Variants in CEP164 observed in about 807,000 individuals in gnomAD.
CEP164 encodes centrosomal protein of 164 kDa.
Under a neutral mutation model 182.7 loss-of-function variants are expected in CEP164, and 162 were observed. The observed-to-expected ratio is 0.89, with a 90% confidence interval of 0.78 to 1.01. CEP164 has a LOEUF of 1.01. Ranked by LOEUF, CEP164 falls within the 50% of genes least tolerant of loss-of-function variation. CEP164 has a pLI of 0.00. For missense variants in CEP164, 1,735 were observed against 1,790.4 expected, an observed-to-expected ratio of 0.97 and a Z score of 0.56; for synonymous variants, 661 against 690.0, an observed-to-expected ratio of 0.96 and a Z score of 0.66.
At chr11:117,381,663 G>T in intron 12 of CEP164, 38 bp from the exon 13 acceptor site, 1 of 1,583,826 alleles carries the variant, frequency 6.3e-7, no homozygotes, top group Non-Finnish European at 8.6e-7. Context: ...TCTCCAAATG[G>T]AGGGGCCTGA....
rs868672622 is a variant in CEP164 at position 117,409,560 on chromosome 11, G to A, written c.3749-58G>A. The stretch of plus-strand genomic sequence containing the variant: ...GGTCCTCCATGACAGCTGTGTCTGG[G>A]AATGGTCCAGGGTCCTGAGCTTGAG... On this transcript the variant is annotated intron_variant, in intron 29 of 32. Transcript: ENST00000278935. This position sits in a 1 kb window ranked among gnomAD's most constrained non-coding sequence, Gnocchi z 4.4. 9.0e-5 allele frequency: 133 copies of A among 1,478,966 alleles called. 2 individuals carry two copies. The Middle Eastern group carries it at 3.9e-3, about 44-fold the overall frequency. The allele number at this position is 1,478,966 out of a possible 1,614,324, so 91.6% of individuals were successfully genotyped here.
rs548762008 is a variant in CEP164 at position 117,381,627 on chromosome 11, A to T, written c.1410-74A>T. 1.4e-5 allele frequency: 21 copies of T among 1,501,232 alleles called. No individual in the cohort carries two copies. The East Asian group carries it at 4.7e-4, about 34-fold the overall frequency. 93.0% of individuals were successfully genotyped at this position (1,501,232 alleles called of 1,614,324 possible). On this transcript the variant is annotated intron_variant, in intron 12 of 32. Coordinates refer to ENST00000278935, the MANE Select transcript of CEP164 (RefSeq NM_014956.5). ...AGGAGGCAATGACCTAGGTCCACAC[A>T]CTGTACTCCCCAGTTCTCTTCCCGC...
At chr11:117,336,592 A>G in intron 2 of CEP164, 1 of 1,467,524 alleles carries the variant, frequency 6.8e-7, no homozygotes. Flanking sequence ...GTTGGGGGAT[A>G]TGGATTTGGC....
chr11:117,355,369 G>A (rs1565466254), intron 5 of CEP164: 10 of 1,289,826 alleles, frequency 7.8e-6, no homozygotes, highest in Non-Finnish European at 1.0e-5. Flanking sequence ...AGAACACTGG[G>A]CTTCTCCAAA....
In CEP164 at chr11:117,409,908, T is replaced by C. The variant is rs2047140343; in HGVS notation, c.4039T>C (p.Ser1347Pro). Residue 1347 changes from serine to proline, a missense_variant, in exon 30 of 33, where the codon TCT becomes CCT. Ser to Pro is a moderately conservative substitution (Grantham distance 74). Coordinates refer to ENST00000278935, the MANE Select transcript of CEP164 (RefSeq NM_014956.5). This position sits in a 1 kb window ranked among gnomAD's most constrained non-coding sequence, Gnocchi z 4.4. ...DSGQGPRLPS[S>P]VAQTVDDFLL... ...AGGGCAGGGGCCCAGGCTCCCCTCC[T>C]CTGTGGCTCAAACGGTGGACGACTT... 1.2e-6 allele frequency: 2 copies of C among 1,609,884 alleles called. No individual in the cohort carries two copies. Among genetic ancestry groups the C allele is most frequent in the East Asian group, 2.2e-5 (1 of 44,620 alleles).
Position 117,391,134 on chromosome 11 carries a change from G to A in CEP164, c.2202G>A (p.Lys734=), listed in dbSNP as rs781464131. The change falls in exon 17 of 33, where the codon AAG becomes AAA. Residue 734 remains lysine (K), a synonymous_variant. Transcript: ENST00000278935. ...AGGAAGAGATAGAGGCTTCGGAGAAGAGCGAGCAGGCTGCCCTGAATGCTG... is the reference window on the plus strand; with the variant it reads ...AGGAAGAGATAGAGGCTTCGGAGAAAAGCGAGCAGGCTGCCCTGAATGCTG... ...QLKEEIEASE[K]SEQAALNAAK... The A allele has an allele frequency of 8.1e-6, 13 of 1,613,806 alleles. No homozygotes were observed. In the East Asian group the frequency reaches 2.0e-4, roughly 25 times the overall value.
Position 117,337,888 on chromosome 11 carries a change from C to T in CEP164, c.-21-678C>T, listed in dbSNP as rs546317019. Among the ~76,000 whole-genome samples the T allele has an allele frequency of 3.9e-5, 6 of 152,286 alleles. No individual in the cohort carries two copies. In the East Asian group the frequency reaches 5.8e-4, roughly 15 times the overall value. On this transcript the variant is annotated intron_variant, in intron 2 of 32. Coordinates refer to ENST00000278935, the MANE Select transcript of CEP164 (RefSeq NM_014956.5). ...GTCTGCAAGGCTCACTGTGACCAGC[C>T]GGTCACACATGTTGGTATCCCCACT... is the stretch of plus-strand genomic sequence containing the variant.
At chr11:117,392,961 C>T (rs570348319) in intron 19 of CEP164, 43 bp from the exon 20 acceptor site, 32 of 1,609,054 alleles carry the variant, frequency 2.0e-5, no homozygotes, top group Admixed American at 8.3e-5. Context: ...AGTGCTGGTC[C>T]GCCTCGGTTC....
chr11:117,386,560 T>C (rs1334074672), intron 14 of CEP164: 1 of 152,656 alleles, frequency 6.6e-6, no homozygotes, highest in East Asian at 1.9e-4. Context: ...ACGGGGAACA[T>C]GGCACTCATG....
intron 4 of CEP164, 54 bp from the exon 5 acceptor site, chr11:117,351,736 T>C: frequency 1.4e-5 from 21 of 1,514,616 alleles, no homozygotes; most frequent in Non-Finnish European, 1.7e-5. Context: ...CTCTTTTTTT[T>C]TTCTTCTTTT....
intron 11 of CEP164, among the ~76,000 whole-genome samples, chr11:117,376,334 T>C (rs138615274): frequency 2.0e-5 from 3 of 152,322 alleles, no homozygotes; most frequent in East Asian, 1.9e-4. Context: ...CTTGTTTTGT[T>C]TGATGGTTGT....
intron 1 of CEP164, 128 bp downstream of exon 1, chr11:117,328,032 G>A (rs1232654192): frequency 6.6e-6 from 1 of 152,404 alleles, no homozygotes; most frequent in African/African-American, 2.4e-5. Context: ...GGCGGGGAAG[G>A]GAGCGAGCGT....
In CEP164 at chr11:117,371,084, C is replaced by A; in HGVS notation, c.770C>A (p.Ser257Tyr). 6.3e-7 allele frequency: 1 copy of A among 1,590,458 alleles called. No individual in the cohort carries two copies. The highest frequency in any genetic ancestry group is 1.1e-5 in the South Asian group (1 of 88,098). Residue 257 changes from serine (S) to tyrosine (Y), a missense_variant, in exon 9 of 33, where the codon TCT becomes TAT. By Grantham distance (144) the Ser-to-Tyr change is moderately radical. Transcript: ENST00000278935. ...ALGGDFEYEE[S>Y]LRTSQPEEKK... ...ACATGGTCTGTTGCTCCCTAGGAGT[C>A]TCTGAGAACAAGCCAGCCAGAGGAG...
intron 4 of CEP164, among the ~76,000 whole-genome samples, chr11:117,348,337 C>G (rs2039214632): frequency 6.6e-6 from 1 of 152,096 alleles, no homozygotes; most frequent in Non-Finnish European, 1.5e-5. Context: ...CAAAAAATAA[C>G]AACGGATCAT....
chr11:117,328,145 TC>T (rs2035601245), intron 1 of CEP164: 1 of 152,232 alleles, frequency 6.6e-6, no homozygotes, highest in Non-Finnish European at 1.5e-5. Flanking sequence ...AGGCGACAGT[TC>T]CTCCGTTTGA....
chr11:117,381,828 G>A lies in CEP164; in HGVS notation c.1537G>A (p.Asp513Asn). 6.5e-7 allele frequency: 1 copy of A among 1,539,050 alleles called. No individual in the cohort carries two copies. Among genetic ancestry groups the A allele is most frequent in the Non-Finnish European group, 8.8e-7 (1 of 1,141,980 alleles). ...EWKEAEELGE[D>N]SAASLSLQLS... is the part of the protein sequence containing the mutation. ...GAAGGAGGCAGAGGAGCTTGGGGAG[G>A]ACTCTGCAGCCAGCCTCAGCCTGCA... The change falls in exon 13 of 33, where the codon GAC becomes AAC. Residue 513 changes from aspartate (D) to asparagine (N), a missense_variant. By Grantham distance (23) the Asp-to-Asn change is conservative. Transcript: ENST00000278935.
intron 16 of CEP164, 24 bp from the exon 17 acceptor site, chr11:117,390,975 T>TA (rs765753360): frequency 4.3e-6 from 7 of 1,613,694 alleles, no homozygotes; most frequent in Non-Finnish European, 5.9e-6. Context: ...ACAGGCCCGT[T>TA]ACCATTCCAC....
At chr11:117,383,450 C>A (rs2043576838) in intron 14 of CEP164, among the ~76,000 whole-genome samples, 1 of 152,184 alleles carries the variant, frequency 6.6e-6, no homozygotes, top group Non-Finnish European at 1.5e-5. Flanking sequence ...CTGTTCTGGC[C>A]TGTGAGCTCC....
At chr11:117,336,364 G>T (rs2037116552) in intron 2 of CEP164, 1 of 1,427,796 alleles carries the variant, frequency 7.0e-7, no homozygotes. Flanking sequence ...GAGATTCACA[G>T]GAGGGATTCC....
Sources: gnomAD v4.1 joint callset for allele counts (sites outside exome capture counted in the v4.1 genomes callset) on GRCh38, gnomAD v4.1.1 for gene constraint, Gnocchi (gnomAD v3.1) non-coding constraint, MANE v1.5 for transcripts, NCBI Gene and HGNC (gene_info 2026-07-23, HGNC 2026-07-21) for gene names.